Variants in TNRC6B observed in about 807,000 individuals in gnomAD.
TNRC6B encodes the protein trinucleotide repeat containing adaptor 6B.
A neutral mutation model predicts 203.6 loss-of-function variants in TNRC6B; 52 were observed. The observed-to-expected ratio is 0.26, with a 90% CI of 0.20 to 0.32. The LOEUF is 0.32. TNRC6B is among the 10% of genes least tolerant of loss of function. TNRC6B has a pLI of 1.00. For synonymous variants in TNRC6B, 838 were observed against 845.7 expected (o/e 0.99, Z 0.16); for missense variants, 1,923 against 2,286.2 (o/e 0.84, Z 3.24).
At chr22:40,126,119 G>T (rs1453483545) in intron 3 of TNRC6B, among the ~76,000 whole-genome samples, 1 of 152,102 alleles carries the variant, frequency 6.6e-6, no homozygotes, top group Admixed American at 6.5e-5. Flanking sequence ...TTTAAAGTTT[G>T]TTACGAAAGT....
intron 4 of TNRC6B, among the ~76,000 whole-genome samples, chr22:40,170,872 CATATATGTGTGTATACATATATACCT>C (rs2068984763): frequency 8.0e-6 from 1 of 124,556 alleles, no homozygotes; most frequent in Non-Finnish European, 1.6e-5. Flanking sequence ...CATATATGTA[CATATATGTGTGTATACATATATACCT>C]ATATATGTGC....
At chr22:40,262,440 G>A (rs1327442881) in intron 4 of TNRC6B, among the ~76,000 whole-genome samples, 1 of 152,082 alleles carries the variant, frequency 6.6e-6, no homozygotes, top group African/African-American at 2.4e-5. Flanking sequence ...TCTCAGACTA[G>A]AGTGTTACAA....
intron 3 of TNRC6B, among the ~76,000 whole-genome samples, chr22:40,131,236 T>C (rs2068542571): frequency 6.6e-6 from 1 of 152,140 alleles, no homozygotes; most frequent in Admixed American, 6.5e-5. Flanking sequence ...GAAGTCTTAT[T>C]GGAGGAAGTG....
chr22:40,103,335 T>C (rs2068256201), intron 1 of TNRC6B, among the ~76,000 whole-genome samples: 1 of 151,032 alleles, frequency 6.6e-6, no homozygotes, highest in Non-Finnish European at 1.5e-5. Flanking sequence ...AACATTTCCG[T>C]CAACCCACAG....
intron 21 of TNRC6B, among the ~76,000 whole-genome samples, chr22:40,317,395 T>A (rs2071274150): frequency 6.6e-6 from 1 of 152,100 alleles, no homozygotes; most frequent in South Asian, 2.1e-4. Context: ...CTGGCCAACA[T>A]GGTGAAACCC....
At chr22:40,236,653 C>T (rs1248798676) in intron 1 of TNRC6B, among the ~76,000 whole-genome samples, 1 of 152,210 alleles carries the variant, frequency 6.6e-6, no homozygotes, top group Non-Finnish European at 1.5e-5. Flanking sequence ...AGGGAAGATG[C>T]TTCTGGGAAT....
chr22:40,098,047 TGTGAG>T (rs1171533473), intron 1 of TNRC6B, among the ~76,000 whole-genome samples: 1 of 151,796 alleles, frequency 6.6e-6, no homozygotes, highest in African/African-American at 2.4e-5. Flanking sequence ...TTTGTATACT[TGTGAG>T]GTGTGTGTGT....
intron 3 of TNRC6B, among the ~76,000 whole-genome samples, chr22:40,252,137 G>A (rs1395319089): frequency 6.6e-6 from 1 of 152,214 alleles, no homozygotes; most frequent in Admixed American, 6.5e-5. Flanking sequence ...TTCAGAATGA[G>A]AGAATTAATT....
intron 1 of TNRC6B, among the ~76,000 whole-genome samples, chr22:40,086,653 C>T (rs1406189697): frequency 6.6e-6 from 1 of 152,160 alleles, no homozygotes; most frequent in Non-Finnish European, 1.5e-5. Flanking sequence ...ATCAGAATAT[C>T]TGTAGAGTTC....
intron 1 of TNRC6B, among the ~76,000 whole-genome samples, chr22:40,087,527 G>A (rs2068111125): frequency 6.6e-6 from 1 of 152,158 alleles, no homozygotes; most frequent in Non-Finnish European, 1.5e-5. Flanking sequence ...TCCAAACACT[G>A]GTAAGTGCAT....
chr22:40,050,523 A>T (rs2067735934), intron 1 of TNRC6B, among the ~76,000 whole-genome samples: 1 of 151,930 alleles, frequency 6.6e-6, no homozygotes. Flanking sequence ...ACTAGCTTTT[A>T]CCCAGCTAAC....
intron 3 of TNRC6B, among the ~76,000 whole-genome samples, chr22:40,149,650 C>A (rs1212772306): frequency 2.5e-5 from 3 of 121,362 alleles, no homozygotes; most frequent in African/African-American, 9.8e-5. Flanking sequence ...AGCCTGGCAA[C>A]AGAGCGAGAC....
At chr22:40,067,505 A>G (rs1158218963) in intron 1 of TNRC6B, among the ~76,000 whole-genome samples, 1 of 152,136 alleles carries the variant, frequency 6.6e-6, no homozygotes, top group Non-Finnish European at 1.5e-5. Flanking sequence ...AAGTCCCACA[A>G]TAGCCCGTCT....
intron 4 of TNRC6B, among the ~76,000 whole-genome samples, chr22:40,168,980 A>C (rs930571280): frequency 1.3e-5 from 2 of 152,104 alleles, no homozygotes; most frequent in African/African-American, 4.8e-5. Flanking sequence ...ATGGATTTAC[A>C]TGCCTGTCTT....
chr22:40,266,940 T>G lies in TNRC6B; in HGVS notation c.2710T>G (p.Tyr904Asp). 6.2e-7 allele frequency: 1 copy of G among 1,613,824 alleles called. No homozygotes were observed. Among genetic ancestry groups the G allele is most frequent in the Non-Finnish European group, 8.5e-7 (1 of 1,179,830 alleles). Reference protein sequence around the residue: ...SAWGDPNSYNYKNVNLWDKNS... With the variant: ...SAWGDPNSYNDKNVNLWDKNS... ...ATGGGGAGACCCTAACAGTTATAAC[T>G]ACAAGAATGTGAATCTGTGGGATAA... Residue 904 changes from tyrosine to aspartate, a missense_variant, in exon 5 of 23, where the codon TAC becomes GAC. Around this residue, in one of 8 missense-constraint regions of TNRC6B, gnomAD observed 599 missense variants for 656.5 expected, o/e 0.91. Coordinates refer to ENST00000454349, the MANE Select transcript of TNRC6B (RefSeq NM_001162501.2).
intron 12 of TNRC6B, among the ~76,000 whole-genome samples, chr22:40,294,932 C>T (rs544667249): frequency 2.2e-4 from 33 of 152,296 alleles, no homozygotes; most frequent in African/African-American, 7.5e-4. Context: ...TTGGTGCTCA[C>T]GTGTGCTTGG....
intron 21 of TNRC6B, among the ~76,000 whole-genome samples, chr22:40,320,253 G>A (rs955098381): frequency 2.0e-5 from 3 of 152,146 alleles, no homozygotes; most frequent in South Asian, 2.1e-4. Context: ...AGGCTGAGGC[G>A]AGTGGATCAC....
intron 7 of TNRC6B, chr22:40,276,830 C>T (rs2070651400): frequency 3.0e-6 from 1 of 328,984 alleles, no homozygotes; most frequent in African/African-American, 2.1e-5. Context: ...AGCAAAAGTA[C>T]CAGCTGAGCA....
At chr22:40,087,009 A>G (rs1277512022) in intron 1 of TNRC6B, among the ~76,000 whole-genome samples, 3 of 152,164 alleles carry the variant, frequency 2.0e-5, no homozygotes, top group Non-Finnish European at 4.4e-5. Flanking sequence ...TCTCACAGAC[A>G]CAAGCCTTCT....
Sources: gnomAD v4.1 joint callset for allele counts (sites outside exome capture counted in the v4.1 genomes callset) on GRCh38, gnomAD v4.1.1 for gene constraint, gnomAD v4.1.1 regional missense constraint, MANE v1.5 for transcripts, NCBI Gene and HGNC (gene_info 2026-07-23, HGNC 2026-07-21) for gene names.